Variants in LIN52 observed in about 807,000 individuals in gnomAD.
LIN52 encodes protein lin-52 homolog.
LIN52 carries 4 observed loss-of-function variants against 18.5 expected under a neutral mutation model. The ratio of observed to expected loss-of-function variants is 0.22; its 90% confidence interval spans 0.11 to 0.49. The LOEUF (loss-of-function observed/expected upper bound fraction) is 0.49, where lower values mean the gene tolerates loss of function less well. Ranked by LOEUF, LIN52 falls within the 20% of genes least tolerant of loss-of-function variation. The pLI, the probability that LIN52 is intolerant of heterozygous loss-of-function variation, is 0.97. For synonymous variants in LIN52, 34 were observed against 45.5 expected, an observed-to-expected ratio of 0.75 and a Z score of 1.02; for missense variants, 102 against 139.5, an observed-to-expected ratio of 0.73 and a Z score of 1.35.
chr14:74,152,959 C>CAAAAAAAAAA (rs1189515836), intron 5 of LIN52, among the ~76,000 whole-genome samples: 1 of 41,556 alleles, frequency 2.4e-5, no homozygotes, highest in Non-Finnish European at 5.4e-5. Flanking sequence ...GACTCTGTCT[C>CAAAAAAAAAA]AAAAAAAAAA....
At chr14:74,112,689 T>G (rs2060937216) in intron 5 of LIN52, among the ~76,000 whole-genome samples, 1 of 152,238 alleles carries the variant, frequency 6.6e-6, no homozygotes, top group Non-Finnish European at 1.5e-5. Flanking sequence ...TTTCAAATAT[T>G]TAGCCATTTT....
chr14:74,172,047 C>G (rs1172931085), intron 5 of LIN52, among the ~76,000 whole-genome samples: 2 of 152,126 alleles, frequency 1.3e-5, no homozygotes, highest in African/African-American at 4.8e-5. Flanking sequence ...CATTTTAATT[C>G]TTAAAGCAAA....
chr14:74,113,019 A>G (rs2060938855), intron 5 of LIN52, among the ~76,000 whole-genome samples: 1 of 142,742 alleles, frequency 7.0e-6, no homozygotes, highest in Admixed American at 6.9e-5. Flanking sequence ...GAGGGAGCCT[A>G]GATTCAGAGA....
At position 74,155,950 on chromosome 14, in the gene LIN52, C is replaced by T. The variant is rs563839974; in HGVS notation, c.284-42972C>T. 6.6e-5 allele frequency among the ~76,000 whole-genome samples: 10 copies of T among 152,244 alleles called. No individual in the cohort carries two copies. In the East Asian group the frequency reaches 1.9e-3, roughly 29 times the overall value. ...AGAAGAGTGGGAAGGAGATTAGTGT[C>T]CCATGAATTGACGGTAGATAAATGT... On this transcript the variant is annotated intron_variant, in intron 5 of 5. Transcript: ENST00000555028.
At chr14:74,115,833 T>C (rs939090247) in intron 5 of LIN52, among the ~76,000 whole-genome samples, 1 of 152,220 alleles carries the variant, frequency 6.6e-6, no homozygotes, top group African/African-American at 2.4e-5. Flanking sequence ...AAACCCAACA[T>C]TGCCTCTGAA....
At chr14:74,141,889 G>T (rs1166423436) in intron 5 of LIN52, among the ~76,000 whole-genome samples, 1 of 152,122 alleles carries the variant, frequency 6.6e-6, no homozygotes, top group African/African-American at 2.4e-5. Flanking sequence ...AGTTTTGAAC[G>T]CATTAATGGA....
intron 5 of LIN52, among the ~76,000 whole-genome samples, chr14:74,187,156 T>C (rs2061344587): frequency 1.3e-5 from 2 of 152,220 alleles, no homozygotes; most frequent in African/African-American, 4.8e-5. Flanking sequence ...GCAAAGTCTA[T>C]TTTATAATTC....
At position 74,106,196 on chromosome 14, in the gene LIN52, T is replaced by C. The variant is rs1165939211; in HGVS notation, c.283+4958T>C. 2.0e-5 allele frequency among the ~76,000 whole-genome samples: 3 copies of C among 152,336 alleles called. No individual in the cohort carries two copies. The East Asian group carries it at 5.8e-4, about 29-fold the overall frequency. On this transcript the variant is annotated intron_variant, in intron 5 of 5. Coordinates refer to ENST00000555028, the MANE Select transcript of LIN52 (RefSeq NM_001024674.3). The stretch of plus-strand genomic sequence containing the variant: ...AGTCCTCCCTCTTTTACTGGAACTA[T>C]GTTACAGTCACCTTCTAGCTGGTCC...
At chr14:74,149,300 A>G (rs1372411163) in intron 5 of LIN52, among the ~76,000 whole-genome samples, 1 of 152,190 alleles carries the variant, frequency 6.6e-6, no homozygotes, top group African/African-American at 2.4e-5. Flanking sequence ...ACATAAGGAC[A>G]CATACTTATA....
At chr14:74,165,626 A>G (rs1281094958) in intron 5 of LIN52, among the ~76,000 whole-genome samples, 1 of 149,496 alleles carries the variant, frequency 6.7e-6, no homozygotes, top group African/African-American at 2.5e-5. Flanking sequence ...CTCCTGCCTC[A>G]GCTTCCCAAG....
chr14:74,130,277 G>GTTTTTTTTTTTGTTTTTTTTTT (rs371965343), intron 5 of LIN52, among the ~76,000 whole-genome samples: 12 of 46,428 alleles, frequency 2.6e-4, no homozygotes, highest in South Asian at 8.1e-4. Flanking sequence ...GGCATTTTTT[G>GTTTTTTTTTTTGTTTTTTTTTT]GTTTTTTTTT....
intron 5 of LIN52, among the ~76,000 whole-genome samples, chr14:74,143,761 G>C (rs1047978140): frequency 1.3e-5 from 2 of 152,086 alleles, no homozygotes; most frequent in African/African-American, 4.8e-5. Context: ...ATTACCACAT[G>C]CATTTATTAT....
chr14:74,107,774 A>G (rs975235831), intron 5 of LIN52, among the ~76,000 whole-genome samples: 2 of 152,118 alleles, frequency 1.3e-5, no homozygotes, highest in Non-Finnish European at 2.9e-5. Flanking sequence ...AAATGTGAAA[A>G]CTGGGAAAGC....
intron 1 of LIN52, 107 bp from the exon 2 acceptor site, chr14:74,091,123 ATC>A (rs767199257): frequency 2.9e-6 from 2 of 678,958 alleles, no homozygotes; most frequent in Non-Finnish European, 5.1e-6. Context: ...CAGAACTCAT[ATC>A]TCTAGACTTC....
chr14:74,114,302 GGAAA>G (rs1167333764), intron 5 of LIN52: 14 of 984,698 alleles, frequency 1.4e-5, no homozygotes, highest in Non-Finnish European at 1.7e-5. Flanking sequence ...TTTTTGAATA[GGAAA>G]GATACACACC....
chr14:74,183,245 C>T (rs1171770815), intron 5 of LIN52, among the ~76,000 whole-genome samples: 1 of 147,210 alleles, frequency 6.8e-6, no homozygotes, highest in Non-Finnish European at 1.5e-5. Flanking sequence ...CTACAGGTGC[C>T]CGCCACCACG....
Position 74,175,752 on chromosome 14 carries a change from C to CACACACACA in LIN52, c.284-23170_284-23169insACACACACA, listed in dbSNP as rs1566867516. 6.3e-3 allele frequency among the ~76,000 whole-genome samples: 730 copies of CACACACACA among 116,114 alleles called. 7 individuals carry two copies. Among genetic ancestry groups the CACACACACA allele is most frequent in the East Asian group, 0.03 (132 of 4,438 alleles). 76.2% of individuals were successfully genotyped at this position (116,114 alleles called of 152,430 possible). ...CACACACACACACACACACACACAC[C>CACACACACA]CCCATTATACAGCTATACCAAAATC... is the stretch of plus-strand genomic sequence containing the variant. On this transcript the variant is annotated intron_variant, in intron 5 of 5. Coordinates refer to ENST00000555028, the MANE Select transcript of LIN52 (RefSeq NM_001024674.3).
intron 5 of LIN52, among the ~76,000 whole-genome samples, chr14:74,170,958 A>G (rs889637947): frequency 3.3e-5 from 5 of 149,798 alleles, no homozygotes; most frequent in African/African-American, 1.2e-4. Context: ...TGGCTGGTAT[A>G]TTGCTTGAGC....
chr14:74,119,858 G>A (rs2060989357), intron 5 of LIN52, among the ~76,000 whole-genome samples: 1 of 144,834 alleles, frequency 6.9e-6, no homozygotes, highest in African/African-American at 2.6e-5. Flanking sequence ...TTTTTTAGAT[G>A]GAGTTTCACT....
Sources: gnomAD v4.1 joint callset for allele counts (sites outside exome capture counted in the v4.1 genomes callset) on GRCh38, gnomAD v4.1.1 for gene constraint, MANE v1.5 for transcripts, NCBI Gene and HGNC (gene_info 2026-07-23, HGNC 2026-07-21) for gene names.